Variants in GLIS3 observed in about 807,000 individuals in gnomAD.
The protein encoded by GLIS3 is zinc finger protein GLIS3.
In GLIS3, 53 loss-of-function variants were observed where a neutral mutation model predicts 78.6. That is an observed-to-expected ratio of 0.67 (90% CI 0.54 to 0.85). GLIS3 has a LOEUF of 0.85. GLIS3 is among the 40% of genes least tolerant of loss of function. The pLI, the probability that GLIS3 is intolerant of heterozygous loss-of-function variation, is 0.00. For synonymous variants in GLIS3, 684 were observed against 509.9 expected (o/e 1.34, Z -4.60); for missense variants, 1,703 against 1,231.1 (o/e 1.38, Z -5.74).
chr9:4,385,755 AAG>A, the GLIS3 span, among the ~76,000 whole-genome samples: 3 of 34,010 alleles, frequency 8.8e-5, no homozygotes, highest in African/African-American at 1.4e-4. Flanking sequence ...GAAAGAAAGA[AAG>A]AAAGAAAGAA....
At chr9:4,177,202 A>T (rs2131155023) in intron 2 of GLIS3, among the ~76,000 whole-genome samples, 1 of 152,292 alleles carries the variant, frequency 6.6e-6, no homozygotes, top group African/African-American at 2.4e-5. Flanking sequence ...TATACTCCCG[A>T]GTTCAGTTTT....
At chr9:4,483,435 G>T in the GLIS3 span, among the ~76,000 whole-genome samples, 1 of 152,008 alleles carries the variant, frequency 6.6e-6, no homozygotes, top group Non-Finnish European at 1.5e-5. Flanking sequence ...AAGAGGTGTT[G>T]GTGGCTGGGT....
intron 4 of GLIS3, among the ~76,000 whole-genome samples, chr9:3,938,325 G>T (rs753483113): frequency 6.6e-6 from 1 of 152,098 alleles, no homozygotes; most frequent in Non-Finnish European, 1.5e-5. Flanking sequence ...GGTGAGGGTG[G>T]GTAAGGAAGG....
In GLIS3 at chr9:4,118,701, G is replaced by C. The variant is rs766739598; in HGVS notation, c.777C>G (p.Ser259=). The change falls in exon 4 of 11, where the codon TCC becomes TCG. Residue 259 remains serine, a synonymous_variant. Coordinates refer to ENST00000381971, the MANE Select transcript of GLIS3 (RefSeq NM_001042413.2). This position sits in a 1 kb window ranked among gnomAD's most constrained non-coding sequence, Gnocchi z 4.7. The part of the protein sequence containing the change: ...GDLLSLPPGT[S]MSSNSVSNSL... ...AGTTAGAGACACTATTGCTGGACATGGATGTCCCGGGAGGAAGGCTAAGGA... is the reference window on the plus strand; with the variant it reads ...AGTTAGAGACACTATTGCTGGACATCGATGTCCCGGGAGGAAGGCTAAGGA... The C allele has an allele frequency of 1.2e-6, 2 of 1,614,050 alleles. No homozygotes were observed. Among genetic ancestry groups the C allele is most frequent in the South Asian group, 2.2e-5 (2 of 91,070 alleles).
At chr9:4,119,004 T>G (rs1831980019) in intron 3 of GLIS3, 123 bp from the exon 4 acceptor site, 1 of 1,019,866 alleles carries the variant, frequency 9.8e-7, no homozygotes, top group Non-Finnish European at 1.4e-6. Flanking sequence ...AATTACATTC[T>G]GTGCTAAACA....
chr9:3,963,818 G>C (rs1422221773), intron 4 of GLIS3, among the ~76,000 whole-genome samples: 1 of 151,964 alleles, frequency 6.6e-6, no homozygotes, highest in South Asian at 2.1e-4. Flanking sequence ...TACAGAAACT[G>C]TAAATAAGCC....
chr9:4,011,606 G>C (rs1476466030), intron 4 of GLIS3, among the ~76,000 whole-genome samples: 1 of 152,162 alleles, frequency 6.6e-6, no homozygotes, highest in Non-Finnish European at 1.5e-5. Flanking sequence ...TCTACCTGCT[G>C]AATAGTGGCG....
intron 2 of GLIS3, among the ~76,000 whole-genome samples, chr9:4,157,798 CA>C (rs1446896443): frequency 6.6e-6 from 1 of 152,182 alleles, no homozygotes; most frequent in East Asian, 1.9e-4. Flanking sequence ...GATAAGCACA[CA>C]GTCCACATCA....
chr9:4,179,147 A>T (rs1293447017), intron 2 of GLIS3, among the ~76,000 whole-genome samples: 1 of 152,210 alleles, frequency 6.6e-6, no homozygotes, highest in African/African-American at 2.4e-5. Context: ...AGATGCTTAC[A>T]TTTGGATAGT....
chr9:4,353,178 T>C (rs1817996705), upstream of GLIS3, among the ~76,000 whole-genome samples: 3 of 152,166 alleles, frequency 2.0e-5, no homozygotes, highest in Non-Finnish European at 2.9e-5. Context: ...TTGACATCCC[T>C]GTGCCATTAA....
chr9:4,377,444 C>A, the GLIS3 span, among the ~76,000 whole-genome samples: 1 of 135,694 alleles, frequency 7.4e-6, no homozygotes, highest in Admixed American at 7.4e-5. Context: ...TTGGCCACAG[C>A]CTTCCCTGCT....
chr9:4,161,389 T>C (rs553017233), intron 2 of GLIS3, among the ~76,000 whole-genome samples: 6 of 152,294 alleles, frequency 3.9e-5, no homozygotes, highest in South Asian at 4.1e-4. Context: ...GCTCTGATCA[T>C]GGACAATAAG....
chr9:3,837,587 A>C (rs1818432117), intron 9 of GLIS3, among the ~76,000 whole-genome samples: 1 of 152,242 alleles, frequency 6.6e-6, no homozygotes. Flanking sequence ...ATTATTCAGC[A>C]CTAAAAAGAA....
intron 6 of GLIS3, among the ~76,000 whole-genome samples, chr9:3,922,699 T>C (rs1824967703): frequency 6.6e-6 from 1 of 152,066 alleles, no homozygotes; most frequent in South Asian, 2.1e-4. Context: ...TCACAAACTC[T>C]GCTACCAAAA....
At chr9:4,346,067 T>C (rs1241809856) in intron 2 of GLIS3, among the ~76,000 whole-genome samples, 1 of 152,180 alleles carries the variant, frequency 6.6e-6, no homozygotes, top group Non-Finnish European at 1.5e-5. Context: ...ACTAAAATTA[T>C]GATCAATTCA....
chr9:4,195,044 C>G (rs1349407016), intron 2 of GLIS3, among the ~76,000 whole-genome samples: 1 of 152,236 alleles, frequency 6.6e-6, no homozygotes, highest in African/African-American at 2.4e-5. Context: ...ACAGCCAGAA[C>G]TGTGAAAAGT....
chr9:3,883,976 G>A (rs1253548071), intron 7 of GLIS3, among the ~76,000 whole-genome samples: 1 of 152,228 alleles, frequency 6.6e-6, no homozygotes, highest in African/African-American at 2.4e-5. Context: ...CTGGCTCACT[G>A]CAGTCTCTCA....
At chr9:4,411,318 C>G in the GLIS3 span, among the ~76,000 whole-genome samples, 1 of 152,146 alleles carries the variant, frequency 6.6e-6, no homozygotes, top group Non-Finnish European at 1.5e-5. Context: ...ATCTCTACGC[C>G]TTTTTCATTA....
the GLIS3 span, among the ~76,000 whole-genome samples, chr9:4,425,245 G>C: frequency 2.6e-5 from 4 of 152,190 alleles, no homozygotes; most frequent in Non-Finnish European, 4.4e-5. Flanking sequence ...GCTGTCCTGA[G>C]TTTTCTGTCA....
Sources: gnomAD v4.1 joint callset for allele counts (sites outside exome capture counted in the v4.1 genomes callset) on GRCh38, gnomAD v4.1.1 for gene constraint, Gnocchi (gnomAD v3.1) non-coding constraint, MANE v1.5 for transcripts, NCBI Gene and HGNC (gene_info 2026-07-23, HGNC 2026-07-21) for gene names.